Variants in CACNA1A observed in about 807,000 individuals in gnomAD.
CACNA1A encodes voltage-dependent P/Q-type calcium channel subunit alpha-1A.
In CACNA1A, 57 loss-of-function variants were observed where a neutral mutation model predicts 262.4. The ratio of observed to expected loss-of-function variants is 0.22; its 90% CI spans 0.18 to 0.27. The LOEUF (loss-of-function observed/expected upper bound fraction) is 0.27. CACNA1A is among the 10% of genes least tolerant of loss of function. The pLI, the probability that CACNA1A is intolerant of heterozygous loss-of-function variation, is 1.00. For synonymous variants in CACNA1A, 1,431 were observed against 1,419.3 expected, an observed-to-expected ratio of 1.01 and a Z score of -0.18; for missense variants, 2,526 against 3,562.8, an observed-to-expected ratio of 0.71 and a Z score of 7.41.
intron 15 of CACNA1A, among the ~76,000 whole-genome samples, chr19:13,305,535 C>T (rs956006838): frequency 1.3e-5 from 2 of 152,138 alleles, no homozygotes; most frequent in South Asian, 2.1e-4. Flanking sequence ...GTTTCTAAGC[C>T]TCAGCACTGC....
chr19:13,264,753 C>A (rs1205031669), intron 24 of CACNA1A, among the ~76,000 whole-genome samples: 2 of 152,200 alleles, frequency 1.3e-5, no homozygotes. Flanking sequence ...TGGCTCCTGC[C>A]AGCTCCTATG....
At chr19:13,456,645 GC>G (rs1299363770) in intron 1 of CACNA1A, among the ~76,000 whole-genome samples, 2 of 152,188 alleles carry the variant, frequency 1.3e-5, no homozygotes, top group African/African-American at 2.4e-5. Flanking sequence ...CTGCACTCCA[GC>G]CTGGGCGACA....
intron 4 of CACNA1A, among the ~76,000 whole-genome samples, chr19:13,370,115 T>G (rs2059293318): frequency 6.6e-6 from 1 of 152,218 alleles, no homozygotes; most frequent in South Asian, 2.1e-4. Context: ...TTTTTTCTTT[T>G]TTTGAGACGG....
intron 36 of CACNA1A, chr19:13,229,864 A>G (rs2055599806): frequency 6.7e-6 from 3 of 448,210 alleles, no homozygotes; most frequent in Non-Finnish European, 7.9e-6. Context: ...CTCATTTCCC[A>G]GAAAGTCCAG....
intron 34 of CACNA1A, among the ~76,000 whole-genome samples, chr19:13,234,307 G>A (rs1460393184): frequency 7.2e-5 from 9 of 124,872 alleles, no homozygotes; most frequent in African/African-American, 2.2e-4. Context: ...CCGAGATCGC[G>A]CCACTGTACT....
At chr19:13,317,848 C>A (rs2058157326) in intron 10 of CACNA1A, among the ~76,000 whole-genome samples, 1 of 152,198 alleles carries the variant, frequency 6.6e-6, no homozygotes, top group Non-Finnish European at 1.5e-5. Context: ...CTATTTTGTG[C>A]CAGGCTCTGT....
chr19:13,274,039 T>G (rs1184515114), intron 24 of CACNA1A: 1 of 152,022 alleles, frequency 6.6e-6, no homozygotes, highest in Non-Finnish European at 1.5e-5. Flanking sequence ...TAAGCCACCG[T>G]GCATTGCTCT....
Position 13,297,423 on chromosome 19 carries a change from G to A in CACNA1A, c.3089+1121C>T, listed in dbSNP as rs566647242. Among the ~76,000 whole-genome samples the A allele has an allele frequency of 1.4e-3, 209 of 152,210 alleles. 1 individual carries two copies. Among genetic ancestry groups the A allele is most frequent in the African/African-American group, 4.8e-3 (201 of 41,550 alleles). ...TCCCCATCTGTGAAGCCTCTAATCC[G>A]AACACTTTGGGAGACTGAGGTGGGA... is the stretch of plus-strand genomic sequence containing the variant. On this transcript the variant is annotated intron_variant, in intron 19 of 46. Transcript: ENST00000360228.
At position 13,252,773 on chromosome 19, in the gene CACNA1A, T is replaced by A. The variant is rs1216373658; in HGVS notation, c.4866+218A>T. On this transcript the variant is annotated intron_variant, in intron 30 of 46. Transcript: ENST00000360228. ...CCATCATTTTGAGGAACTGGATACA[T>A]AAGCAGCCATATGGTAACACTCACA... 3 of 373,592 alleles carry A rather than the reference T, an allele frequency of 8.0e-6. No homozygotes were observed. The East Asian group carries it at 1.2e-4, about 15-fold the overall frequency. 23.1% of individuals were successfully genotyped at this position (373,592 alleles called of 1,614,324 possible). A position where few individuals can be genotyped will look rare whatever the true frequency, so the allele number is the denominator to read the frequency against.
intron 3 of CACNA1A, among the ~76,000 whole-genome samples, chr19:13,378,493 C>T (rs2059455609): frequency 6.6e-6 from 1 of 152,020 alleles, no homozygotes. Context: ...ACTTTCTTGT[C>T]TTATTTTAAG....
At chr19:13,464,943 T>C (rs1417784436) in intron 1 of CACNA1A, among the ~76,000 whole-genome samples, 1 of 152,128 alleles carries the variant, frequency 6.6e-6, no homozygotes, top group Non-Finnish European at 1.5e-5. Flanking sequence ...TCTCTTTTCT[T>C]TTTGAGACAG....
chr19:13,424,815 C>CT (rs1307766918), intron 3 of CACNA1A, among the ~76,000 whole-genome samples: 1 of 149,538 alleles, frequency 6.7e-6, no homozygotes, highest in Non-Finnish European at 1.5e-5. Context: ...ACATCTATTT[C>CT]TTTTTTTGAG....
At chr19:13,428,407 G>A (rs1171755826) in intron 3 of CACNA1A, among the ~76,000 whole-genome samples, 1 of 152,202 alleles carries the variant, frequency 6.6e-6, no homozygotes, top group Non-Finnish European at 1.5e-5. Context: ...GTTGACCGAT[G>A]TGTCATCAGG....
In CACNA1A at chr19:13,286,639, G is replaced by A. The variant is rs769167375; in HGVS notation, c.3417C>T (p.Thr1139=). ...TGGTGACGATAAGGCTATTCTCGGG[G>A]GTCTTGGGGGGGCCGGGATTGGATG... ...GNPSNPGPPK[T]PENSLIVTNP... Residue 1139 remains threonine (T), a synonymous_variant, in exon 20 of 47, where the codon ACC becomes ACT. Transcript: ENST00000360228. The A allele has an allele frequency of 1.3e-6, 2 of 1,539,750 alleles. No homozygotes were observed. The highest frequency in any genetic ancestry group is 1.7e-6 in the Non-Finnish European group (2 of 1,143,822).
At chr19:13,320,274 G>GAGAA (rs1242662981) in intron 10 of CACNA1A, among the ~76,000 whole-genome samples, 1 of 148,570 alleles carries the variant, frequency 6.7e-6, no homozygotes, top group Admixed American at 6.7e-5. Context: ...GAGAGAGAGA[G>GAGAA]AAACCACAGC....
intron 24 of CACNA1A, among the ~76,000 whole-genome samples, chr19:13,268,656 C>G (rs374562419): frequency 2.6e-5 from 4 of 151,884 alleles, no homozygotes; most frequent in Non-Finnish European, 4.4e-5. Flanking sequence ...GGATGGTCTC[C>G]ATCTCTTGAC....
chr19:13,286,378 C>T (rs2057399828), intron 20 of CACNA1A, 125 bp downstream of exon 20: 2 of 487,972 alleles, frequency 4.1e-6, no homozygotes, highest in East Asian at 3.2e-5. Flanking sequence ...ACGCCTATGC[C>T]CATTTTCCAG....
rs1202577312 is a variant in CACNA1A at position 13,206,608 on chromosome 19, C to G, written c.*705G>C. The G allele has an allele frequency of 1.3e-5, 2 of 154,062 alleles. No individual in the cohort carries two copies. Among genetic ancestry groups the G allele is most frequent in the African/African-American group, 4.8e-5 (2 of 41,468 alleles). 9.5% of individuals were successfully genotyped at this position (154,062 alleles called of 1,614,324 possible). On this transcript the variant is annotated 3_prime_UTR_variant, in exon 47 of 47. Transcript: ENST00000360228. ...CTTCTTTTGTTGTTTCAAGCAGGAC[C>G]AAATGTCAGAAAAAAATGCCTCTTT... is the stretch of plus-strand genomic sequence containing the variant.
At chr19:13,266,590 T>G (rs188085985) in intron 24 of CACNA1A, among the ~76,000 whole-genome samples, 1 of 152,018 alleles carries the variant, frequency 6.6e-6, no homozygotes, top group Admixed American at 6.5e-5. Flanking sequence ...ATATATTTTT[T>G]TGAGACAGAG....
Sources: allele counts gnomAD v4.1 joint callset (sites outside exome capture counted in the v4.1 genomes callset), GRCh38; gene constraint gnomAD v4.1.1; transcripts MANE v1.5; gene names NCBI Gene and HGNC (gene_info 2026-07-23, HGNC 2026-07-21).